The following TMEM132B variants were observed in gnomAD, a reference collection of about 807,000 sequenced individuals.
The protein encoded by TMEM132B is transmembrane protein 132B.
TMEM132B carries 18 observed loss-of-function variants against 90.8 expected under a neutral mutation model. The ratio of observed to expected loss-of-function variants is 0.20; its 90% CI spans 0.14 to 0.29. The LOEUF is 0.29. Ranked by LOEUF, TMEM132B falls within the 10% of genes least tolerant of loss-of-function variation. The pLI, the probability that TMEM132B is intolerant of heterozygous loss-of-function variation, is 1.00. For missense variants in TMEM132B, 1,096 were observed against 1,326.8 expected, an observed-to-expected ratio of 0.83 and a Z score of 2.70; for synonymous variants, 504 against 523.3, an observed-to-expected ratio of 0.96 and a Z score of 0.50.
Position 125,654,829 on chromosome 12 carries a change from G to A in TMEM132B, c.*119G>A, listed in dbSNP as rs1887021452. 1 of 1,208,598 alleles carries A rather than the reference G, an allele frequency of 8.3e-7. No homozygotes were observed. Among genetic ancestry groups the A allele is most frequent in the Non-Finnish European group, 1.1e-6 (1 of 873,730 alleles). 74.9% of individuals were successfully genotyped at this position (1,208,598 alleles called of 1,614,324 possible). On this transcript the variant is annotated 3_prime_UTR_variant, in exon 9 of 9. Coordinates refer to ENST00000682704, the MANE Select transcript of TMEM132B (RefSeq NM_001366854.1). This position sits in a 1 kb window ranked among gnomAD's most constrained non-coding sequence, Gnocchi z 5.8. ...AGTTTGATTTGTGGAGGTCTGGTGG[G>A]ATTCATTTCTAAGCAGGTAAAAGAG...
chr12:125,468,752 C>T (rs1363917005), intron 3 of TMEM132B, among the ~76,000 whole-genome samples: 2 of 152,072 alleles, frequency 1.3e-5, no homozygotes, highest in Non-Finnish European at 2.9e-5. Flanking sequence ...TCCATTTAGC[C>T]TTCTTTAATT....
intron 1 of TMEM132B, among the ~76,000 whole-genome samples, chr12:125,215,658 C>T (rs1379995383): frequency 2.0e-5 from 3 of 152,238 alleles, no homozygotes; most frequent in African/African-American, 4.8e-5. Context: ...TCTCCTGCCG[C>T]AGCCTCCCGA....
At chr12:125,196,940 GGTCTGTCAGACTCA>G (rs1350508263) in intron 1 of TMEM132B, among the ~76,000 whole-genome samples, 1 of 152,046 alleles carries the variant, frequency 6.6e-6, no homozygotes, top group Admixed American at 6.5e-5. Flanking sequence ...TTTGACTTGT[GGTCTGTCAGACTCA>G]GTTTGGTATT....
chr12:125,369,632 G>A (rs1282058819), intron 2 of TMEM132B, among the ~76,000 whole-genome samples: 3 of 152,208 alleles, frequency 2.0e-5, no homozygotes, highest in Non-Finnish European at 2.9e-5. Context: ...TATCACACAA[G>A]CCAGTGGAAG....
chr12:125,513,011 G>T (rs1370384862), intron 3 of TMEM132B, among the ~76,000 whole-genome samples: 3 of 152,208 alleles, frequency 2.0e-5, no homozygotes, highest in South Asian at 2.1e-4. Context: ...GTGATGAGGG[G>T]ACCCCACGCA....
In TMEM132B at chr12:125,186,744, G is replaced by GGGCCGGGCGCGCGAGAGGAGC. The variant is rs1371950313; in HGVS notation, c.-55_-35dup. ...GGGGCTGCTCCGGGAGCCGCGGGCC[G>GGGCCGGGCGCGCGAGAGGAGC]GGCCGGGCGCGCGAGAGGAGCAGCC... On this transcript the variant is annotated 5_prime_UTR_variant, in exon 1 of 9. Coordinates refer to ENST00000682704, the MANE Select transcript of TMEM132B (RefSeq NM_001366854.1). This position sits in a 1 kb window ranked among gnomAD's most constrained non-coding sequence, Gnocchi z 6.3. 2.0e-5 allele frequency: 3 copies of GGGCCGGGCGCGCGAGAGGAGC among 147,086 alleles called. No individual in the cohort carries two copies. Among genetic ancestry groups the GGGCCGGGCGCGCGAGAGGAGC allele is most frequent in the Non-Finnish European group, 4.5e-5 (3 of 66,098 alleles). The allele number at this position is 147,086 out of a possible 1,614,324, so 9.1% of individuals were successfully genotyped here. A position where few individuals can be genotyped will look rare whatever the true frequency, so the allele number is the denominator to read the frequency against.
intron 1 of TMEM132B, among the ~76,000 whole-genome samples, chr12:125,237,395 C>T (rs1873961164): frequency 6.6e-6 from 1 of 152,196 alleles, no homozygotes; most frequent in Non-Finnish European, 1.5e-5. Context: ...TCTCCTACCA[C>T]CCTGTTCATT....
At chr12:125,367,353 A>G (rs1878166333) in intron 2 of TMEM132B, among the ~76,000 whole-genome samples, 1 of 152,222 alleles carries the variant, frequency 6.6e-6, no homozygotes, top group African/African-American at 2.4e-5. Context: ...TGTTGTAGTC[A>G]AACTGCAGAT....
At chr12:125,286,277 C>T (rs1875353884) in intron 1 of TMEM132B, among the ~76,000 whole-genome samples, 1 of 152,236 alleles carries the variant, frequency 6.6e-6, no homozygotes, top group South Asian at 2.1e-4. Context: ...CTCTTGGGTA[C>T]AGCCTTCTTC....
rs151171964 is a variant in TMEM132B, at chr12:125,232,916, A to AT, written c.67+46058dup. Reference sequence around the variant, plus strand: ...CTAGCCTGGAGAAGTTGGGAAAATCATTTTTTTTCCCAAGAGTCTCAACTT... The same window carrying AT: ...CTAGCCTGGAGAAGTTGGGAAAATCATTTTTTTTTCCCAAGAGTCTCAACTT... On this transcript the variant is annotated intron_variant, in intron 1 of 8. Coordinates refer to ENST00000682704, the MANE Select transcript of TMEM132B (RefSeq NM_001366854.1). 5.4e-3 allele frequency among the ~76,000 whole-genome samples: 815 copies of AT among 152,088 alleles called. 2 individuals carry two copies. The highest frequency in any genetic ancestry group is 0.014 in the Middle Eastern group (4 of 294).
intron 1 of TMEM132B, among the ~76,000 whole-genome samples, chr12:125,226,854 T>C (rs1873691676): frequency 2.6e-5 from 4 of 152,022 alleles, no homozygotes; most frequent in Admixed American, 2.0e-4. Flanking sequence ...AGAGGGAGAG[T>C]TCTCTAGGAT....
Position 125,388,064 on chromosome 12 carries a change from G to T in TMEM132B, c.960-27467G>T, listed in dbSNP as rs1038972488. ...AATTATACACGAGGCATGGAGGGCT[G>T]CATAACACAGGATTTGGTTGTGGGG... is the stretch of plus-strand genomic sequence containing the variant. On this transcript the variant is annotated intron_variant, in intron 2 of 8. Coordinates refer to ENST00000682704, the MANE Select transcript of TMEM132B (RefSeq NM_001366854.1). Among the ~76,000 whole-genome samples, 24 of 152,262 alleles carry T rather than the reference G, an allele frequency of 1.6e-4. No homozygotes were observed. In the South Asian group the frequency reaches 3.1e-3, roughly 20 times the overall value.
chr12:125,293,013 C>T (rs1327001960), intron 1 of TMEM132B, among the ~76,000 whole-genome samples: 2 of 152,186 alleles, frequency 1.3e-5, no homozygotes, highest in African/African-American at 4.8e-5. Flanking sequence ...TTTAATTGAG[C>T]GAGGAGTTCT....
intron 5 of TMEM132B, among the ~76,000 whole-genome samples, chr12:125,617,760 C>T (rs908001360): frequency 7.2e-5 from 11 of 152,046 alleles, no homozygotes; most frequent in African/African-American, 1.9e-4. Flanking sequence ...AATAATGCCC[C>T]GGGGCATAAG....
chr12:125,581,408 T>C (rs1287884282), intron 4 of TMEM132B, among the ~76,000 whole-genome samples: 2 of 152,212 alleles, frequency 1.3e-5, no homozygotes, highest in African/African-American at 2.4e-5. Context: ...AACCTGGAAA[T>C]CTTTCCCAGG....
rs573931520 is a variant in TMEM132B, at chr12:125,492,484, G to A, written c.1107-26955G>A. On this transcript the variant is annotated intron_variant, in intron 3 of 8. Coordinates refer to ENST00000682704, the MANE Select transcript of TMEM132B (RefSeq NM_001366854.1). The surrounding 1 kb of genome is among the most constrained non-coding windows in gnomAD (Gnocchi z 5.8). ...CGACTGCTCCTTCCTGGGATGTGCC[G>A]CCACCTCCCCAGGGCCTTTCCCTAC... 7.9e-5 allele frequency among the ~76,000 whole-genome samples: 12 copies of A among 152,162 alleles called. No homozygotes were observed. The highest frequency in any genetic ancestry group is 2.1e-4 in the South Asian group (1 of 4,820).
At chr12:125,326,497 TG>T in intron 1 of TMEM132B, 1 of 1,122,788 alleles carries the variant, frequency 8.9e-7, no homozygotes, top group Non-Finnish European at 1.3e-6. Context: ...TCCGTTGTCC[TG>T]GCAACCTGTA....
chr12:125,579,160 T>A (rs1326126650), intron 4 of TMEM132B, among the ~76,000 whole-genome samples: 1 of 152,164 alleles, frequency 6.6e-6, no homozygotes, highest in African/African-American at 2.4e-5. Context: ...TTTATACTCC[T>A]CTCATTTTAA....
At chr12:125,411,166 G>GGAGTGGAGT (rs1879822178) in intron 2 of TMEM132B, among the ~76,000 whole-genome samples, 2 of 79,126 alleles carry the variant, frequency 2.5e-5, no homozygotes, top group African/African-American at 9.0e-5. Context: ...GGAGTGGAGT[G>GGAGTGGAGT]GAGTGGAGTG....
Sources: allele counts gnomAD v4.1 joint callset (sites outside exome capture counted in the v4.1 genomes callset), GRCh38; gene constraint gnomAD v4.1.1; non-coding constraint Gnocchi (gnomAD v3.1); transcripts MANE v1.5; gene names NCBI Gene and HGNC (gene_info 2026-07-23, HGNC 2026-07-21).